IL1RAPL1: variants seen among roughly 807,000 people sequenced by gnomAD.
IL1RAPL1 encodes the protein interleukin 1 receptor accessory protein like 1.
A neutral mutation model predicts 48.4 loss-of-function variants in IL1RAPL1; 3 were observed. The observed-to-expected ratio is 0.06, with a 90% CI of 0.03 to 0.16. The LOEUF (loss-of-function observed/expected upper bound fraction) is 0.16, where lower values mean the gene tolerates loss of function less well. Ranked by LOEUF, IL1RAPL1 falls within the 10% of genes least tolerant of loss-of-function variation. IL1RAPL1 has a pLI of 1.00. For missense variants in IL1RAPL1, 349 were observed against 530.6 expected, an observed-to-expected ratio of 0.66 and a Z score of 3.36; for synonymous variants, 185 against 187.7, an observed-to-expected ratio of 0.99 and a Z score of 0.12.
At chrX:29,676,441 A>G (rs1926286491) in intron 6 of IL1RAPL1, among the ~76,000 whole-genome samples, 1 of 111,768 alleles carries the variant, frequency 8.9e-6, no homozygotes, top group Non-Finnish European at 1.9e-5. Context: ...AAGATTTTAG[A>G]AAATTTATTT....
intron 2 of IL1RAPL1, among the ~76,000 whole-genome samples, chrX:28,868,824 A>C (rs147580003): frequency 8.9e-6 from 1 of 112,376 alleles, no homozygotes; most frequent in African/African-American, 3.2e-5. Flanking sequence ...CATCACTTAC[A>C]TGAAGTTCCT....
At chrX:29,517,310 T>C (rs1223337585) in intron 5 of IL1RAPL1, among the ~76,000 whole-genome samples, 1 of 110,491 alleles carries the variant, frequency 9.1e-6, no homozygotes, top group East Asian at 2.8e-4. Context: ...CATATATCCT[T>C]ATGATTTTTA....
chrX:29,413,417 A>G (rs1395662141), intron 5 of IL1RAPL1, among the ~76,000 whole-genome samples: 1 of 110,357 alleles, frequency 9.1e-6, no homozygotes, highest in African/African-American at 3.3e-5. Flanking sequence ...GGTTTGTTAC[A>G]TATGTATACA....
intron 2 of IL1RAPL1, among the ~76,000 whole-genome samples, chrX:29,072,415 G>A (rs16988433): frequency 0.058 from 6,486 of 111,294 alleles, 165 homozygotes; most frequent in Middle Eastern, 0.075. Flanking sequence ...TTCCTGGGTC[G>A]TGAGGTCAAC....
At chrX:28,714,431 G>A (rs1159450707) in intron 1 of IL1RAPL1, among the ~76,000 whole-genome samples, 3 of 111,987 alleles carry the variant, frequency 2.7e-5, no homozygotes, top group African/African-American at 9.7e-5. Context: ...ATGGAAGGAA[G>A]GAAGGCAGGA....
At chrX:28,939,625 CT>C (rs774426485) in intron 2 of IL1RAPL1, among the ~76,000 whole-genome samples, 26 of 110,948 alleles carry the variant, frequency 2.3e-4, no homozygotes, top group African/African-American at 7.8e-4. Flanking sequence ...TAAAAACCTC[CT>C]GTGACATGAG....
intron 2 of IL1RAPL1, among the ~76,000 whole-genome samples, chrX:29,007,992 A>G (rs1196073092): frequency 9.0e-6 from 1 of 111,424 alleles, no homozygotes; most frequent in Non-Finnish European, 1.9e-5. Context: ...AGAAAATTAA[A>G]TGTACTTTTT....
intron 6 of IL1RAPL1, among the ~76,000 whole-genome samples, chrX:29,808,601 C>A (rs1368185610): frequency 9.0e-6 from 1 of 111,184 alleles, no homozygotes; most frequent in Non-Finnish European, 1.9e-5. Flanking sequence ...TAATTTTTTG[C>A]CTGTTTTATC....
chrX:28,985,729 G>A (rs1322389810), intron 2 of IL1RAPL1, among the ~76,000 whole-genome samples: 2 of 103,167 alleles, frequency 1.9e-5, no homozygotes, highest in East Asian at 3.0e-4. Flanking sequence ...GCGCGATCTC[G>A]GCTCACTACA....
chrX:28,592,500 G>A (rs1933916054), intron 1 of IL1RAPL1, among the ~76,000 whole-genome samples: 1 of 111,616 alleles, frequency 9.0e-6, no homozygotes, highest in African/African-American at 3.3e-5. Context: ...TTTCTTTAGG[G>A]GGAGGCAATC....
At chrX:29,826,528 G>T (rs773113437) in intron 6 of IL1RAPL1, among the ~76,000 whole-genome samples, 2 of 111,277 alleles carry the variant, frequency 1.8e-5, no homozygotes, top group African/African-American at 6.5e-5. Context: ...CCTATTTGTG[G>T]TCACTTCCTA....
chrX:29,282,939 C>T lies in IL1RAPL1; in HGVS notation c.84C>T (p.Ala28=), dbSNP rs773998745. 1.4e-5 allele frequency: 17 copies of T among 1,208,656 alleles called. No homozygotes were observed. The highest frequency in any genetic ancestry group is 3.0e-5 in the East Asian group (1 of 33,745). The change falls in exon 3 of 11, where the codon GCC becomes GCT. Residue 28 remains alanine, a splice_region_variant and synonymous_variant. Transcript: ENST00000378993. ...SLKVVTKRGS[A]DGCTDWSIDI... is the part of the protein sequence containing the mutation. The stretch of plus-strand genomic sequence containing the variant: ...TCTCTGTCTCTTTTTTTACGATAGC[C>T]GATGGATGCACTGACTGGTCTATCG...
intron 6 of IL1RAPL1, among the ~76,000 whole-genome samples, chrX:29,891,204 C>T (rs964623263): frequency 2.7e-5 from 3 of 109,101 alleles, no homozygotes; most frequent in Non-Finnish European, 5.7e-5. Context: ...CTCCCAGTTT[C>T]GTTTTTATGA....
intron 8 of IL1RAPL1, among the ~76,000 whole-genome samples, chrX:29,939,262 A>T (rs1245469528): frequency 8.9e-6 from 1 of 112,189 alleles, no homozygotes; most frequent in Non-Finnish European, 1.9e-5. Context: ...TTGTACAAGA[A>T]ATTTTTGAGT....
chrX:29,663,357 T>A (rs1925903965), intron 5 of IL1RAPL1, among the ~76,000 whole-genome samples: 1 of 112,622 alleles, frequency 8.9e-6, no homozygotes, highest in South Asian at 3.7e-4. Flanking sequence ...CAGTTTTAGT[T>A]GGTGGATTTA....
At chrX:28,697,499 T>G (rs1485980998) in intron 1 of IL1RAPL1, among the ~76,000 whole-genome samples, 1 of 111,217 alleles carries the variant, frequency 9.0e-6, no homozygotes, top group East Asian at 2.8e-4. Flanking sequence ...TTTTAAAAAT[T>G]TGTAAGCCTT....
intron 6 of IL1RAPL1, among the ~76,000 whole-genome samples, chrX:29,739,788 G>A (rs1050617086): frequency 4.5e-5 from 5 of 110,728 alleles, no homozygotes; most frequent in Non-Finnish European, 7.6e-5. Context: ...CCACCGCGTG[G>A]TGGCTCGCAC....
chrX:28,968,545 G>C (rs923209382), intron 2 of IL1RAPL1, among the ~76,000 whole-genome samples: 5 of 112,202 alleles, frequency 4.5e-5, no homozygotes, highest in African/African-American at 1.6e-4. Context: ...GAAAACATTA[G>C]AAAATACATT....
intron 6 of IL1RAPL1, among the ~76,000 whole-genome samples, chrX:29,804,882 C>A (rs1227713100): frequency 1.8e-5 from 2 of 111,939 alleles, no homozygotes; most frequent in Non-Finnish European, 3.8e-5. Flanking sequence ...AGGAACATGA[C>A]CAAACTTCAG....
Sources: allele counts gnomAD v4.1 joint callset (sites outside exome capture counted in the v4.1 genomes callset), GRCh38; gene constraint gnomAD v4.1.1; transcripts MANE v1.5; gene names NCBI Gene and HGNC (gene_info 2026-07-23, HGNC 2026-07-21).